The following PTPRD variants were observed in gnomAD, a reference collection of about 807,000 sequenced individuals.
PTPRD encodes protein tyrosine phosphatase receptor type D.
A neutral mutation model predicts 214.5 loss-of-function variants in PTPRD; 34 were observed. The observed-to-expected ratio is 0.16, with a 90% confidence interval of 0.12 to 0.21. PTPRD has a LOEUF of 0.21. Ranked by LOEUF, PTPRD falls within the 10% of genes least tolerant of loss-of-function variation. The pLI is 1.00. For missense variants in PTPRD, 2,545 were observed against 2,398.7 expected (o/e 1.06, Z -1.27); for synonymous variants, 1,128 against 845.7 (o/e 1.33, Z -5.79).
At chr9:10,335,420 A>T (rs1164040365) in intron 3 of PTPRD, among the ~76,000 whole-genome samples, 1 of 151,760 alleles carries the variant, frequency 6.6e-6, no homozygotes, top group Non-Finnish European at 1.5e-5. Context: ...CTACTCACAA[A>T]TCTTGCACCC....
intron 7 of PTPRD, among the ~76,000 whole-genome samples, chr9:9,623,467 A>G (rs1443395975): frequency 6.6e-6 from 1 of 152,206 alleles, no homozygotes; most frequent in African/African-American, 2.4e-5. Context: ...AATATTCTCC[A>G]GTACTTGACA....
At chr9:9,138,971 C>A (rs2099855599) in intron 10 of PTPRD, among the ~76,000 whole-genome samples, 1 of 152,048 alleles carries the variant, frequency 6.6e-6, no homozygotes, top group African/African-American at 2.4e-5. Flanking sequence ...CAGTAATCTT[C>A]ATTAAGGTAT....
chr9:8,450,772 CCTAA>C (rs1427331242), intron 33 of PTPRD, among the ~76,000 whole-genome samples: 23 of 152,178 alleles, frequency 1.5e-4, no homozygotes, highest in Admixed American at 3.9e-4. Context: ...ATCACAGAGT[CCTAA>C]CTATCTTCTT....
At chr9:9,444,602 G>T (rs1478538689) in intron 8 of PTPRD, among the ~76,000 whole-genome samples, 1 of 152,140 alleles carries the variant, frequency 6.6e-6, no homozygotes, top group African/African-American at 2.4e-5. Flanking sequence ...ATAGGAGATA[G>T]TCAATATTCT....
chr9:10,276,977 T>C (rs1322540180), intron 3 of PTPRD, among the ~76,000 whole-genome samples: 6 of 152,128 alleles, frequency 3.9e-5, no homozygotes, highest in Non-Finnish European at 8.8e-5. Context: ...TATTTTGCCC[T>C]GGATACCTCC....
chr9:9,865,197 A>T (rs763333569), intron 5 of PTPRD, among the ~76,000 whole-genome samples: 9 of 152,226 alleles, frequency 5.9e-5, no homozygotes, highest in Non-Finnish European at 1.0e-4. Flanking sequence ...GTCACAAGCA[A>T]TAAATCTATT....
chr9:9,060,795 A>T (rs34862732), intron 10 of PTPRD, among the ~76,000 whole-genome samples: 1 of 152,336 alleles, frequency 6.6e-6, no homozygotes, highest in Admixed American at 6.5e-5. Flanking sequence ...AAAGTTATCA[A>T]CAGTGTCATG....
At chr9:8,804,958 G>C (rs1266065485) in intron 11 of PTPRD, among the ~76,000 whole-genome samples, 1 of 152,126 alleles carries the variant, frequency 6.6e-6, no homozygotes, top group Admixed American at 6.6e-5. Flanking sequence ...TACTCAATTA[G>C]AAAGCTTTTT....
chr9:8,581,173 T>C (rs2093040368), intron 14 of PTPRD, among the ~76,000 whole-genome samples: 1 of 151,962 alleles, frequency 6.6e-6, no homozygotes, highest in Non-Finnish European at 1.5e-5. Context: ...TAAGATGCTG[T>C]AGATGCCTTA....
intron 5 of PTPRD, among the ~76,000 whole-genome samples, chr9:9,869,171 C>A (rs10978048): frequency 2.0e-5 from 3 of 152,004 alleles, no homozygotes; most frequent in Non-Finnish European, 4.4e-5. Flanking sequence ...TAAAGGGAAT[C>A]AATCAAGCAT....
At chr9:9,921,859 T>C (rs999252616) in intron 5 of PTPRD, among the ~76,000 whole-genome samples, 2 of 152,098 alleles carry the variant, frequency 1.3e-5, no homozygotes, top group African/African-American at 4.8e-5. Flanking sequence ...ATAACATTCC[T>C]ATCATTACCT....
intron 2 of PTPRD, among the ~76,000 whole-genome samples, chr9:10,394,243 T>A (rs1565755992): frequency 6.8e-6 from 1 of 147,228 alleles, no homozygotes; most frequent in Non-Finnish European, 1.5e-5. Context: ...ATATATAATA[T>A]ATAGAAAATA....
intron 12 of PTPRD, chr9:8,713,742 G>T: frequency 2.0e-6 from 3 of 1,511,888 alleles, no homozygotes; most frequent in Non-Finnish European, 9.0e-7. Context: ...CTGTCAAGCA[G>T]TTCCACGACT....
In PTPRD at chr9:8,500,772, T is replaced by C. The variant is rs2097385467; in HGVS notation, c.2110A>G (p.Ile704Val). 1 of 1,613,964 alleles carries C rather than the reference T, an allele frequency of 6.2e-7. No homozygotes were observed. Among genetic ancestry groups the C allele is most frequent in the African/African-American group, 1.3e-5 (1 of 74,990 alleles). ...AACATACCATCTTCATTGGTTCGAA[T>C]CAACACGGACAAGCTCTCAGGGCCA... Reference protein sequence around the residue: ...GPGPESLSVLIRTNEDVPSGP... With the variant: ...GPGPESLSVLVRTNEDVPSGP... The change falls in exon 24 of 46, where the codon ATT (isoleucine) becomes GTT (valine). Residue 704 changes from isoleucine to valine, a missense_variant. By Grantham distance (29) the Ile-to-Val change is conservative. Transcript: ENST00000381196.
At chr9:9,574,478 C>G (rs929480485) in intron 8 of PTPRD, among the ~76,000 whole-genome samples, 2 of 151,932 alleles carry the variant, frequency 1.3e-5, no homozygotes, top group Non-Finnish European at 2.9e-5. Flanking sequence ...TCAGTGGTAT[C>G]AATCTTTACC....
At chr9:8,617,240 G>A (rs528568637) in intron 14 of PTPRD, among the ~76,000 whole-genome samples, 2 of 152,210 alleles carry the variant, frequency 1.3e-5, no homozygotes, top group South Asian at 2.1e-4. Context: ...GGAAGAGAGA[G>A]AAGAAAGATG....
chr9:10,054,980 T>C (rs2097598313), intron 3 of PTPRD, among the ~76,000 whole-genome samples: 1 of 148,316 alleles, frequency 6.7e-6, no homozygotes, highest in African/African-American at 2.5e-5. Context: ...CGTGTCCATA[T>C]TAAAAGAAAG....
At chr9:8,351,723 G>A (rs552663331) in intron 39 of PTPRD, among the ~76,000 whole-genome samples, 21 of 130,916 alleles carry the variant, frequency 1.6e-4, no homozygotes, top group Admixed American at 4.0e-4. Flanking sequence ...TTGTAGAGAG[G>A]AGACTGCTTG....
At chr9:10,509,378 T>A (rs2047169612) in intron 2 of PTPRD, among the ~76,000 whole-genome samples, 1 of 151,460 alleles carries the variant, frequency 6.6e-6, no homozygotes, top group South Asian at 2.1e-4. Flanking sequence ...TGGAATCTAA[T>A]CTTATGTTAC....
Sources: allele counts gnomAD v4.1 joint callset (sites outside exome capture counted in the v4.1 genomes callset), GRCh38; gene constraint gnomAD v4.1.1; transcripts MANE v1.5; gene names NCBI Gene and HGNC (gene_info 2026-07-23, HGNC 2026-07-21).